Variants in DMD observed in about 807,000 individuals in gnomAD.
DMD encodes dystrophin, also known as mutant dystrophin.
DMD carries 63 observed loss-of-function variants against 330.1 expected under a neutral mutation model. The ratio of observed to expected loss-of-function variants is 0.19; its 90% CI spans 0.16 to 0.24. DMD has a LOEUF of 0.24. DMD is among the 10% of genes least tolerant of loss of function. DMD has a pLI of 1.00. For synonymous variants in DMD, 1,223 were observed against 959.8 expected, an observed-to-expected ratio of 1.27 and a Z score of -5.07; for missense variants, 3,344 against 2,684.1, an observed-to-expected ratio of 1.25 and a Z score of -5.43.
At chrX:32,559,363 G>A (rs1159320885) in intron 16 of DMD, among the ~76,000 whole-genome samples, 2 of 111,672 alleles carry the variant, frequency 1.8e-5, no homozygotes, top group East Asian at 5.6e-4. Context: ...CACAAAATAA[G>A]TAAGGTATTT....
chrX:32,235,247 A>T (rs2148013359), intron 43 of DMD, among the ~76,000 whole-genome samples: 1 of 111,165 alleles, frequency 9.0e-6, no homozygotes, highest in East Asian at 2.8e-4. Flanking sequence ...GCAGCATTAG[A>T]TTCTCATAAG....
intron 49 of DMD, among the ~76,000 whole-genome samples, chrX:31,821,170 T>A (rs1161782352): frequency 8.9e-6 from 1 of 112,939 alleles, no homozygotes; most frequent in Non-Finnish European, 1.9e-5. Context: ...TACAACTTAC[T>A]GAGGAGAGAA....
In DMD at chrX:32,682,637, T is replaced by C. The variant is rs923854946; in HGVS notation, c.960+15233A>G. 2.7e-5 allele frequency among the ~76,000 whole-genome samples: 3 copies of C among 112,408 alleles called. No homozygotes were observed. The South Asian group carries it at 1.1e-3, about 41-fold the overall frequency. Reference sequence around the variant, plus strand: ...AATTTTGAGAGCATGGCCATGTTTTTATTTCATAGTTCATTTTGTCCTTAG... The same window carrying C: ...AATTTTGAGAGCATGGCCATGTTTTCATTTCATAGTTCATTTTGTCCTTAG... On this transcript the variant is annotated intron_variant, in intron 9 of 78. Coordinates refer to ENST00000357033, the MANE Select transcript of DMD (RefSeq NM_004006.3).
intron 20 of DMD, among the ~76,000 whole-genome samples, chrX:32,489,720 T>TA (rs1366936261): frequency 9.0e-6 from 1 of 111,196 alleles, no homozygotes; most frequent in Non-Finnish European, 1.9e-5. Flanking sequence ...TGCATGAATG[T>TA]ACTGTGTAGG....
At chrX:31,416,488 C>T (rs957604332) in intron 60 of DMD, among the ~76,000 whole-genome samples, 3 of 112,145 alleles carry the variant, frequency 2.7e-5, no homozygotes, top group African/African-American at 9.7e-5. Context: ...GCCTTGTATC[C>T]AACCATTGGC....
chrX:31,544,646 A>G (rs911352734), intron 55 of DMD, among the ~76,000 whole-genome samples: 3 of 111,706 alleles, frequency 2.7e-5, no homozygotes, highest in African/African-American at 9.8e-5. Flanking sequence ...GCATAAAAAT[A>G]CACACTTTTC....
At chrX:32,042,026 CATATATATATATAT>C (rs57983190) in intron 44 of DMD, among the ~76,000 whole-genome samples, 1,065 of 40,464 alleles carry the variant, frequency 0.026, 43 homozygotes, top group African/African-American at 0.1. Flanking sequence ...TCTCTCTGTT[CATATATATATATAT>C]ATATATATAT....
At chrX:32,746,997 T>A (rs1490741812) in intron 7 of DMD, among the ~76,000 whole-genome samples, 1 of 112,128 alleles carries the variant, frequency 8.9e-6, no homozygotes, top group East Asian at 2.8e-4. Context: ...CTTAACAGTA[T>A]CCAGGCTCAT....
At chrX:32,665,673 G>C (rs2061257352) in intron 9 of DMD, among the ~76,000 whole-genome samples, 1 of 111,808 alleles carries the variant, frequency 8.9e-6, no homozygotes, top group African/African-American at 3.3e-5. Context: ...GCTCTCATAA[G>C]AACACGTCCA....
chrX:32,192,957 G>A (rs1276110179), intron 44 of DMD, among the ~76,000 whole-genome samples: 2 of 111,994 alleles, frequency 1.8e-5, no homozygotes, highest in Admixed American at 9.5e-5. Flanking sequence ...GTGGGGCCTG[G>A]TGGGAGGTGA....
intron 60 of DMD, among the ~76,000 whole-genome samples, chrX:31,426,002 C>T (rs766456897): frequency 9.0e-6 from 1 of 111,251 alleles, no homozygotes; most frequent in Admixed American, 9.6e-5. Context: ...TGTAGAATCT[C>T]GGACTCCACG....
chrX:31,234,276 A>T (rs1020575948), intron 63 of DMD, among the ~76,000 whole-genome samples: 2 of 112,556 alleles, frequency 1.8e-5, no homozygotes, highest in African/African-American at 6.5e-5. Flanking sequence ...CTGACTGTGG[A>T]GTCCCTCCAA....
chrX:31,184,899 G>C (rs1247470224), intron 67 of DMD, among the ~76,000 whole-genome samples: 1 of 91,321 alleles, frequency 1.1e-5, no homozygotes, highest in Non-Finnish European at 2.1e-5. Flanking sequence ...TCACTCATAG[G>C]TGGGAATGGA....
intron 51 of DMD, among the ~76,000 whole-genome samples, chrX:31,771,161 T>A (rs1031837504): frequency 1.8e-5 from 2 of 111,036 alleles, no homozygotes; most frequent in Non-Finnish European, 3.8e-5. Context: ...CTCCCCATAC[T>A]TACTTATCCT....
At chrX:32,351,055 ATATC>A (rs1209264243) in intron 37 of DMD, among the ~76,000 whole-genome samples, 3 of 111,142 alleles carry the variant, frequency 2.7e-5, no homozygotes, top group African/African-American at 3.3e-5. Flanking sequence ...GATAAGATGA[ATATC>A]TACCTCACAG....
intron 1 of DMD, among the ~76,000 whole-genome samples, chrX:33,274,216 C>T (rs1026185176): frequency 1.8e-5 from 2 of 111,935 alleles, no homozygotes; most frequent in African/African-American, 3.2e-5. Flanking sequence ...CTAGAGAATT[C>T]TACTGTTCAT....
At position 32,342,304 on chromosome X, in the gene DMD, G is replaced by A. The variant is rs766596242; in HGVS notation, c.5740-22C>T. The A allele has an allele frequency of 3.3e-6, 4 of 1,205,645 alleles. No individual in the cohort carries two copies. In the Admixed American group the frequency reaches 6.6e-5, roughly 20 times the overall value. On this transcript the variant is annotated intron_variant, in intron 40 of 78. Transcript: ENST00000357033. ...TTTCCTATTGAGCAAAACCAATACAGGGCCCAGGGCAGTTAGCTAACCACA... is the reference window on the plus strand; with the variant it reads ...TTTCCTATTGAGCAAAACCAATACAAGGCCCAGGGCAGTTAGCTAACCACA...
chrX:31,845,079 T>TAC (rs1181215418), intron 48 of DMD, among the ~76,000 whole-genome samples: 16 of 109,094 alleles, frequency 1.5e-4, no homozygotes, highest in African/African-American at 5.0e-4. Flanking sequence ...TATGTGTGTA[T>TAC]ATATATGTAT....
intron 49 of DMD, among the ~76,000 whole-genome samples, chrX:31,831,793 G>C (rs746381385): frequency 9.0e-6 from 1 of 111,425 alleles, no homozygotes; most frequent in African/African-American, 3.3e-5. Context: ...TAGTAGAGAT[G>C]GGGTTTCACC....
Sources: gnomAD v4.1 joint callset for allele counts (sites outside exome capture counted in the v4.1 genomes callset) on GRCh38, gnomAD v4.1.1 for gene constraint, MANE v1.5 for transcripts, NCBI Gene and HGNC (gene_info 2026-07-23, HGNC 2026-07-21) for gene names.